The following GOLPH3L variants were observed in gnomAD, a reference collection of about 807,000 sequenced individuals.
GOLPH3L encodes the protein Golgi phosphoprotein 3-like.
Under a neutral mutation model 30.3 loss-of-function variants are expected in GOLPH3L, and 22 were observed. That is an observed-to-expected ratio of 0.73 (90% CI 0.52 to 1.04). The LOEUF is 1.04. GOLPH3L is among the 50% of genes least tolerant of loss of function. The pLI is 0.00. For missense variants in GOLPH3L, 303 were observed against 345.8 expected, an observed-to-expected ratio of 0.88 and a Z score of 0.98; for synonymous variants, 120 against 128.2, an observed-to-expected ratio of 0.94 and a Z score of 0.43.
intron 4 of GOLPH3L, among the ~76,000 whole-genome samples, chr1:150,649,025 T>C (rs1191951846): frequency 6.6e-6 from 1 of 152,356 alleles, no homozygotes; most frequent in East Asian, 1.9e-4. Context: ...ATTATTTATG[T>C]ATTTTTCAAA....
intron 2 of GOLPH3L, among the ~76,000 whole-genome samples, chr1:150,668,255 TC>T (rs1650554933): frequency 6.6e-6 from 1 of 152,210 alleles, no homozygotes; most frequent in South Asian, 2.1e-4. Context: ...TGGCAAAAGT[TC>T]AGCTTGAGCC....
intron 2 of GOLPH3L, among the ~76,000 whole-genome samples, chr1:150,682,174 A>T (rs1217450373): frequency 6.6e-6 from 1 of 152,174 alleles, no homozygotes; most frequent in Non-Finnish European, 1.5e-5. Flanking sequence ...GCAAGATTAT[A>T]GGTGGTTTTT....
At chr1:150,693,803 G>GTA (rs1651267303) in intron 2 of GOLPH3L, among the ~76,000 whole-genome samples, 2 of 61,764 alleles carry the variant, frequency 3.2e-5, no homozygotes, top group Non-Finnish European at 5.8e-5. Flanking sequence ...ATGTATGTGT[G>GTA]TGTGTGTGTG....
At chr1:150,663,886 T>C in intron 2 of GOLPH3L, 123 bp from the exon 3 acceptor site, 1 of 682,538 alleles carries the variant, frequency 1.5e-6, no homozygotes, top group South Asian at 2.0e-5. Context: ...GAACTCAAAG[T>C]ATAGAGTAAG....
Position 150,654,369 on chromosome 1 carries a change from G to A in GOLPH3L, c.431-5621C>T, listed in dbSNP as rs753184450. On this transcript the variant is annotated intron_variant, in intron 4 of 4. Coordinates refer to ENST00000271732, the MANE Select transcript of GOLPH3L (RefSeq NM_018178.6). ...TGAAAATACAAAAATTAGCTAGTGT[G>A]GTGGTGGGAGCCTGTAATCCCTGCT... is the stretch of plus-strand genomic sequence containing the variant. 1.4e-4 allele frequency among the ~76,000 whole-genome samples: 22 copies of A among 151,806 alleles called. No homozygotes were observed. The South Asian group carries it at 2.3e-3, about 16-fold the overall frequency.
At chr1:150,674,561 C>G (rs1375164786) in intron 2 of GOLPH3L, among the ~76,000 whole-genome samples, 1 of 151,994 alleles carries the variant, frequency 6.6e-6, no homozygotes, top group African/African-American at 2.4e-5. Context: ...CCGCACTCGG[C>G]CTTTTTCTTT....
At chr1:150,696,794 G>GGAGGGGGA (rs1651367641) in intron 1 of GOLPH3L, among the ~76,000 whole-genome samples, 198 bp downstream of exon 1, 2 of 149,990 alleles carry the variant, frequency 1.3e-5, no homozygotes, top group South Asian at 2.1e-4. Flanking sequence ...GGGCAGGGGG[G>GGAGGGGGA]GAGGGGGAGA....
chr1:150,684,285 A>G (rs906029253), intron 2 of GOLPH3L, among the ~76,000 whole-genome samples: 8 of 152,184 alleles, frequency 5.3e-5, no homozygotes, highest in African/African-American at 1.9e-4. Context: ...AACTAATATA[A>G]TCCTACTCTC....
chr1:150,671,947 T>C (rs1650655730), intron 2 of GOLPH3L, among the ~76,000 whole-genome samples: 2 of 151,914 alleles, frequency 1.3e-5, no homozygotes, highest in Admixed American at 6.6e-5. Context: ...AGATATATAA[T>C]TGAGTATCCA....
At chr1:150,671,578 G>A (rs1022135134) in intron 2 of GOLPH3L, among the ~76,000 whole-genome samples, 58 of 152,090 alleles carry the variant, frequency 3.8e-4, no homozygotes, top group Non-Finnish European at 5.9e-4. Context: ...AGGCCAAGGC[G>A]GGCGGATCAC....
chr1:150,680,985 C>T (rs750922400), intron 2 of GOLPH3L, among the ~76,000 whole-genome samples: 2 of 151,928 alleles, frequency 1.3e-5, no homozygotes, highest in African/African-American at 2.4e-5. Flanking sequence ...ACTGAAAATA[C>T]AAAAACTAGC....
chr1:150,688,251 TAAAC>T (rs1036943267), intron 2 of GOLPH3L, among the ~76,000 whole-genome samples: 2 of 152,358 alleles, frequency 1.3e-5, no homozygotes, highest in African/African-American at 4.8e-5. Flanking sequence ...TTAGAAAACT[TAAAC>T]AATAAAGCAT....
intron 2 of GOLPH3L, among the ~76,000 whole-genome samples, chr1:150,688,059 T>C (rs1345712702): frequency 6.6e-6 from 1 of 152,212 alleles, no homozygotes; most frequent in East Asian, 1.9e-4. Flanking sequence ...TTTAGGGATA[T>C]ACATACATGT....
At chr1:150,669,025 T>G (rs1404835322) in intron 2 of GOLPH3L, among the ~76,000 whole-genome samples, 1 of 152,152 alleles carries the variant, frequency 6.6e-6, no homozygotes, top group Non-Finnish European at 1.5e-5. Context: ...AAACTACATT[T>G]TTGAATGTCA....
chr1:150,660,562 G>C lies in GOLPH3L; in HGVS notation c.430+1252C>G, dbSNP rs150232342. 4.6e-5 allele frequency among the ~76,000 whole-genome samples: 7 copies of C among 152,250 alleles called. No homozygotes were observed. In the East Asian group the frequency reaches 9.6e-4, roughly 21 times the overall value. ...TCCATCAACAGATGAATGGTTAAAC[G>C]AAAGTGTTATATACATACAACGGAA... On this transcript the variant is annotated intron_variant, in intron 4 of 4. Coordinates refer to ENST00000271732, the MANE Select transcript of GOLPH3L (RefSeq NM_018178.6).
Position 150,648,176 on chromosome 1 carries a change from C to A in GOLPH3L, c.*145G>T. On this transcript the variant is annotated 3_prime_UTR_variant, in exon 5 of 5. Transcript: ENST00000271732. ...TAATGGTCAAGGTCTATGGAGAAGC[C>A]CTGAAGTTGCTCTCCCCAAATCACA... is the stretch of plus-strand genomic sequence containing the variant. The A allele has an allele frequency of 1.6e-6, 1 of 611,730 alleles. No individual in the cohort carries two copies. The highest frequency in any genetic ancestry group is 2.9e-6 in the Non-Finnish European group (1 of 348,446). The allele number at this position is 611,730 out of a possible 1,614,324, so 37.9% of individuals were successfully genotyped here. A position where few individuals can be genotyped will look rare whatever the true frequency, so the allele number is the denominator to read the frequency against.
intron 4 of GOLPH3L, 25 bp from the exon 5 acceptor site, chr1:150,648,773 T>A: frequency 6.8e-7 from 1 of 1,463,950 alleles, no homozygotes; most frequent in Non-Finnish European, 9.5e-7. Flanking sequence ...AAATAGGACA[T>A]AATGAACTGA....
chr1:150,672,831 A>G (rs1043918477), intron 2 of GOLPH3L, among the ~76,000 whole-genome samples: 35 of 152,324 alleles, frequency 2.3e-4, no homozygotes, highest in African/African-American at 8.4e-4. Flanking sequence ...TTTAACAGAT[A>G]ATTTCAGCCT....
chr1:150,673,925 C>T (rs1650702583), intron 2 of GOLPH3L, among the ~76,000 whole-genome samples: 1 of 95,384 alleles, frequency 1.0e-5, no homozygotes, highest in South Asian at 3.0e-4. Context: ...ACTCCCATCT[C>T]CAAAAAAAAA....
Sources: allele counts gnomAD v4.1 joint callset (sites outside exome capture counted in the v4.1 genomes callset), GRCh38; gene constraint gnomAD v4.1.1; transcripts MANE v1.5; gene names NCBI Gene and HGNC (gene_info 2026-07-23, HGNC 2026-07-21).